The following UGP2 variants were observed in gnomAD, a reference collection of about 807,000 sequenced individuals.
The protein encoded by UGP2 is UDP-glucose pyrophosphorylase 2.
In UGP2, 40 loss-of-function variants were observed where a neutral mutation model predicts 49.0. The observed-to-expected ratio is 0.82, with a 90% CI of 0.63 to 1.06. The LOEUF is 1.06. UGP2 is among the 50% of genes least tolerant of loss of function. The probability of loss-of-function intolerance (pLI) is 0.00; values close to 1 mark genes in which losing one functional copy is unlikely to be tolerated. For missense variants in UGP2, 460 were observed against 603.5 expected (o/e 0.76, Z 2.49); for synonymous variants, 225 against 213.0 (o/e 1.06, Z -0.49).
At chr2:63,864,223 C>A (rs1045100413) in intron 3 of UGP2, among the ~76,000 whole-genome samples, 2 of 152,058 alleles carry the variant, frequency 1.3e-5, no homozygotes, top group African/African-American at 4.8e-5. Context: ...AAGATAGGTA[C>A]TGTTATGTCA....
At chr2:63,857,751 G>T in intron 2 of UGP2, 78 bp from the exon 3 acceptor site, 1 of 1,373,064 alleles carries the variant, frequency 7.3e-7, no homozygotes, top group Non-Finnish European at 1.0e-6. Context: ...TTTTAAATGT[G>T]TAACTTGTAT....
rs774901295 is a variant in UGP2 at position 63,885,610 on chromosome 2, A to C, written c.597A>C (p.Glu199Asp). 6.4e-7 allele frequency: 1 copy of C among 1,565,414 alleles called. No individual in the cohort carries two copies. Among genetic ancestry groups the C allele is most frequent in the Non-Finnish European group, 8.6e-7 (1 of 1,162,690 alleles). Residue 199 changes from glutamate to aspartate, a missense_variant, in exon 6 of 10, where the codon GAA becomes GAC. By Grantham distance (45) the Glu-to-Asp change is conservative. Around this residue, in one of 2 missense-constraint regions of UGP2, gnomAD observed 317 missense variants for 473.0 expected, o/e 0.67. Transcript: ENST00000337130. Reference protein sequence around the residue: ...NQSRYPRINKESLLPVAKDVS... With the variant: ...NQSRYPRINKDSLLPVAKDVS... The stretch of plus-strand genomic sequence containing the variant: ...AAAGGTACCCGAGGATTAATAAAGA[A>C]TCTTTACTTCCTGTAGCAAAGGACG...
intron 8 of UGP2, 48 bp downstream of exon 8, chr2:63,887,692 T>C (rs1312940952): frequency 1.9e-6 from 3 of 1,600,444 alleles, no homozygotes; most frequent in Admixed American, 3.4e-5. Context: ...AAATGTGTAA[T>C]TATAAAGATA....
intron 3 of UGP2, among the ~76,000 whole-genome samples, chr2:63,869,234 G>C (rs1670381715): frequency 6.6e-6 from 1 of 152,126 alleles, no homozygotes; most frequent in South Asian, 2.1e-4. Context: ...AGATAGGCTG[G>C]GTAGAGAAGG....
chr2:63,870,490 T>C (rs377501852), intron 3 of UGP2, among the ~76,000 whole-genome samples: 1 of 152,364 alleles, frequency 6.6e-6, no homozygotes, highest in East Asian at 1.9e-4. Flanking sequence ...TTAGGTTTTC[T>C]TTCATCAAAC....
Position 63,887,593 on chromosome 2 carries a change from G to T in UGP2, c.1263G>T (p.Lys421Asn). ...CAGGATCTCTGACAATGAGTGAAAA[G>T]CGGGAATTTCCTACAGTGCCCTTGG... ...LNAGSLTMSEKREFPTVPLVK... is the reference protein window; with the variant it reads ...LNAGSLTMSENREFPTVPLVK... The change falls in exon 8 of 10, where the codon AAG becomes AAT. Residue 421 changes from lysine to asparagine, a missense_variant. Transcript: ENST00000337130. The T allele has an allele frequency of 3.7e-6, 6 of 1,614,152 alleles. No homozygotes were observed. The highest frequency in any genetic ancestry group is 5.1e-6 in the Non-Finnish European group (6 of 1,180,014).
intron 1 of UGP2, among the ~76,000 whole-genome samples, chr2:63,845,242 C>G (rs1046252637): frequency 7.2e-5 from 11 of 152,138 alleles, no homozygotes; most frequent in African/African-American, 2.7e-4. Context: ...ACCTTTCAAA[C>G]CTCAGTTTCT....
Position 63,891,307 on chromosome 2 carries a change from G to GTACTT in UGP2, c.*85_*89dup, listed in dbSNP as rs1292649243. The GTACTT allele has an allele frequency of 1.5e-5, 19 of 1,232,020 alleles. No individual in the cohort carries two copies. The highest frequency in any genetic ancestry group is 2.0e-4 in the Middle Eastern group (1 of 5,100). 76.3% of individuals were successfully genotyped at this position (1,232,020 alleles called of 1,614,324 possible). A position where few individuals can be genotyped will look rare whatever the true frequency, so the allele number is the denominator to read the frequency against. ...TTCTCTAGGATTCTAAAATAGGCAG[G>GTACTT]TACTTTACTATGTTACTGTACCCTG... is the stretch of plus-strand genomic sequence containing the variant. On this transcript the variant is annotated 3_prime_UTR_variant, in exon 10 of 10. Transcript: ENST00000337130.
At chr2:63,884,631 G>T (rs1340052185) in intron 5 of UGP2, among the ~76,000 whole-genome samples, 2 of 152,162 alleles carry the variant, frequency 1.3e-5, no homozygotes, top group South Asian at 2.1e-4. Flanking sequence ...ATGTTTTGAG[G>T]CTGGGTGTGG....
chr2:63,885,850 C>A lies in UGP2; in HGVS notation c.837C>A (p.Val279=). Residue 279 remains valine (V), a synonymous_variant, in exon 6 of 10, where the codon GTC becomes GTA. Coordinates refer to ENST00000337130, the MANE Select transcript of UGP2 (RefSeq NM_006759.4). ...CCAATGGAAAACGCTGTGAATTTGT[C>A]ATGGAAGTCACAAATAAAACACGTG... ...NPPNGKRCEF[V]MEVTNKTRAD... 3 of 1,596,922 alleles carry A rather than the reference C, an allele frequency of 1.9e-6. No individual in the cohort carries two copies. The highest frequency in any genetic ancestry group is 2.6e-6 in the Non-Finnish European group (3 of 1,172,790).
At chr2:63,886,601 G>C in intron 7 of UGP2, 63 bp downstream of exon 7, 1 of 1,567,600 alleles carries the variant, frequency 6.4e-7, no homozygotes, top group Non-Finnish European at 8.7e-7. Flanking sequence ...GCTACACACA[G>C]ACCCCATCGC....
chr2:63,857,094 G>A (rs1358671321), intron 2 of UGP2, among the ~76,000 whole-genome samples: 1 of 152,076 alleles, frequency 6.6e-6, no homozygotes, highest in Non-Finnish European at 1.5e-5. Flanking sequence ...GAGCTCAGGA[G>A]TTTGAGACTG....
In UGP2 at chr2:63,856,287, T is replaced by G; in HGVS notation, c.20-19T>G. ...CTTCCTGGAGTTTTCAGTTGGTGGT[T>G]TTATGTTTTTGTTTTAAGATCTTAG... is the stretch of plus-strand genomic sequence containing the variant. On this transcript the variant is annotated intron_variant, in intron 1 of 9. Coordinates refer to ENST00000337130, the MANE Select transcript of UGP2 (RefSeq NM_006759.4). 3.1e-6 allele frequency: 5 copies of G among 1,607,544 alleles called. No individual in the cohort carries two copies. In the South Asian group the frequency reaches 5.5e-5, roughly 18 times the overall value.
intron 1 of UGP2, among the ~76,000 whole-genome samples, chr2:63,843,702 A>T (rs1671736769): frequency 6.6e-6 from 1 of 152,114 alleles, no homozygotes; most frequent in African/African-American, 2.4e-5. Context: ...CACTTTTTTT[A>T]AAAAAACTTT....
chr2:63,856,163 C>A, intron 1 of UGP2, 143 bp from the exon 2 acceptor site: 1 of 971,032 alleles, frequency 1.0e-6, no homozygotes, highest in Non-Finnish European at 1.5e-6. Context: ...TAGTTGACAC[C>A]ACTGAATTAC....
At chr2:63,855,287 G>T (rs893362238) in intron 1 of UGP2, 7 of 342,632 alleles carry the variant, frequency 2.0e-5, no homozygotes, top group Non-Finnish European at 3.4e-5. Flanking sequence ...AAATTAACAG[G>T]CATTTGTAAA....
At chr2:63,878,264 G>T (rs537139530) in intron 3 of UGP2, among the ~76,000 whole-genome samples, 11 of 152,276 alleles carry the variant, frequency 7.2e-5, no homozygotes, top group Middle Eastern at 6.8e-3. Context: ...AATTATGAGA[G>T]TGGCCCACCC....
chr2:63,873,976 C>T lies in UGP2; in HGVS notation c.256-8490C>T, dbSNP rs556102963. On this transcript the variant is annotated intron_variant, in intron 3 of 9. Transcript: ENST00000337130. ...AGAATGAACACTATTCATCATGCCT[C>T]TAGTCCAAACAGCAGGAAGAAGGAA... Among the ~76,000 whole-genome samples, 38 of 152,292 alleles carry T rather than the reference C, an allele frequency of 2.5e-4. No individual in the cohort carries two copies. The East Asian group carries it at 6.6e-3, about 26-fold the overall frequency.
chr2:63,858,006 G>A, intron 3 of UGP2, 70 bp downstream of exon 3: 1 of 1,370,616 alleles, frequency 7.3e-7, no homozygotes, highest in East Asian at 2.3e-5. Context: ...AGGACGGTTG[G>A]GTAGTGTAGG....
Sources: gnomAD v4.1 joint callset for allele counts (sites outside exome capture counted in the v4.1 genomes callset) on GRCh38, gnomAD v4.1.1 for gene constraint, gnomAD v4.1.1 regional missense constraint, MANE v1.5 for transcripts, NCBI Gene and HGNC (gene_info 2026-07-23, HGNC 2026-07-21) for gene names.